KCNIP1: variants seen among roughly 807,000 people sequenced by gnomAD.
KCNIP1 encodes the protein A-type potassium channel modulatory protein KCNIP1.
In KCNIP1, 18 loss-of-function variants were observed where a neutral mutation model predicts 33.0. The observed-to-expected ratio is 0.55, with a 90% CI of 0.38 to 0.81. KCNIP1 has a LOEUF of 0.81. Among genes scored for constraint, KCNIP1 ranks in the 30% least tolerant of loss-of-function variants. The probability of loss-of-function intolerance (pLI) is 0.00; values close to 1 mark genes in which losing one functional copy is unlikely to be tolerated. For synonymous variants in KCNIP1, 93 were observed against 98.3 expected (o/e 0.95, Z 0.32); for missense variants, 238 against 271.6 (o/e 0.88, Z 0.87).
chr5:170,411,095 T>C (rs555301820), intron 1 of KCNIP1, among the ~76,000 whole-genome samples: 1 of 152,378 alleles, frequency 6.6e-6, no homozygotes, highest in East Asian at 1.9e-4. Context: ...GAGCCAGCTC[T>C]ATGTTGCCCT....
intron 1 of KCNIP1, among the ~76,000 whole-genome samples, chr5:170,542,069 C>A (rs1309176163): frequency 6.6e-6 from 1 of 152,188 alleles, no homozygotes; most frequent in Non-Finnish European, 1.5e-5. Context: ...TGCACCCGGG[C>A]TCCTAGCCAT....
chr5:170,629,575 G>A (rs943238379), intron 1 of KCNIP1, among the ~76,000 whole-genome samples: 3 of 152,186 alleles, frequency 2.0e-5, no homozygotes, highest in Admixed American at 6.5e-5. Flanking sequence ...CTTTCTCCAG[G>A]TGCTCAGTTA....
rs112810924 is a variant in KCNIP1, at chr5:170,684,691, C to T, written c.62-34067C>T. On this transcript the variant is annotated intron_variant, in intron 1 of 7. Transcript: ENST00000328939. ...CTTGACCTCCCACCAGCGGGAGTTT[C>T]CCTCCTTCATCCCTGGTCACTGGCC... Among the ~76,000 whole-genome samples the T allele has an allele frequency of 3.6e-3, 542 of 152,230 alleles. 2 individuals carry two copies. Among genetic ancestry groups the T allele is most frequent in the African/African-American group, 0.012 (497 of 41,528 alleles).
exon 1 of KCNIP1, chr5:170,353,870 C>T (rs747836227): frequency 1.4e-5 from 23 of 1,613,636 alleles, no homozygotes; most frequent in Middle Eastern, 1.7e-4. Flanking sequence ...GGCTCCCCTC[C>T]GCCACCATGA....
intron 1 of KCNIP1, among the ~76,000 whole-genome samples, chr5:170,491,426 C>T (rs907333702): frequency 6.6e-6 from 1 of 152,314 alleles, no homozygotes; most frequent in Non-Finnish European, 1.5e-5. Flanking sequence ...AGGCCTCAGG[C>T]TACTCTCCCC....
At chr5:170,646,538 A>G (rs1760796223) in intron 1 of KCNIP1, among the ~76,000 whole-genome samples, 1 of 152,174 alleles carries the variant, frequency 6.6e-6, no homozygotes, top group Non-Finnish European at 1.5e-5. Flanking sequence ...ACAAAATCTA[A>G]CCCCCAGTTG....
intron 1 of KCNIP1, among the ~76,000 whole-genome samples, chr5:170,644,602 G>A (rs780300717): frequency 4.6e-5 from 7 of 152,200 alleles, no homozygotes; most frequent in Non-Finnish European, 1.0e-4. Context: ...AACAGTGTCT[G>A]GGGACAAGGG....
rs558238611 is a variant in KCNIP1 at position 170,681,442 on chromosome 5, A to C, written c.62-37316A>C. 19 of 287,520 alleles carry C rather than the reference A, an allele frequency of 6.6e-5. 1 individual carries two copies. In the South Asian group the frequency reaches 3.0e-3, roughly 46 times the overall value. The allele number at this position is 287,520 out of a possible 1,614,324, so 17.8% of individuals were successfully genotyped here. A position where few individuals can be genotyped will look rare whatever the true frequency, so the allele number is the denominator to read the frequency against. ...CCTGCTCCGGCCCTATGAGCATGTGAGTCTTGATGGATTATTAGCTATGGG... is the reference window on the plus strand; with the variant it reads ...CCTGCTCCGGCCCTATGAGCATGTGCGTCTTGATGGATTATTAGCTATGGG... On this transcript the variant is annotated intron_variant, in intron 1 of 7. Transcript: ENST00000328939.
chr5:170,398,838 C>G (rs1754824963), intron 1 of KCNIP1, among the ~76,000 whole-genome samples: 1 of 152,114 alleles, frequency 6.6e-6, no homozygotes, highest in African/African-American at 2.4e-5. Flanking sequence ...CTTTGCTGAG[C>G]CATAGAATGT....
chr5:170,521,678 G>T (rs902279797), intron 1 of KCNIP1, among the ~76,000 whole-genome samples: 1 of 152,152 alleles, frequency 6.6e-6, no homozygotes, highest in Non-Finnish European at 1.5e-5. Flanking sequence ...CACAAGAGAT[G>T]GTGTTTGAAT....
intron 3 of KCNIP1, among the ~76,000 whole-genome samples, chr5:170,720,802 T>G (rs1763794507): frequency 6.6e-6 from 1 of 152,256 alleles, no homozygotes; most frequent in Non-Finnish European, 1.5e-5. Context: ...GCAGGGCACT[T>G]TTGAATCTTT....
chr5:170,699,577 A>AT (rs1305563754), intron 1 of KCNIP1, among the ~76,000 whole-genome samples: 1 of 151,648 alleles, frequency 6.6e-6, no homozygotes, highest in Non-Finnish European at 1.5e-5. Flanking sequence ...AAAAAAAAAA[A>AT]AGTTTTACAG....
chr5:170,472,532 A>G (rs1052697128), intron 1 of KCNIP1, among the ~76,000 whole-genome samples: 3 of 152,124 alleles, frequency 2.0e-5, no homozygotes, highest in African/African-American at 7.2e-5. Flanking sequence ...CCCATCACCC[A>G]AGCAGTATAC....
chr5:170,603,394 C>T (rs1004262107), intron 1 of KCNIP1, among the ~76,000 whole-genome samples: 6 of 152,170 alleles, frequency 3.9e-5, no homozygotes, highest in African/African-American at 9.7e-5. Flanking sequence ...TCAGACTCAG[C>T]GATCGTTTTC....
chr5:170,574,833 C>T (rs1757540838), intron 1 of KCNIP1, among the ~76,000 whole-genome samples: 2 of 152,112 alleles, frequency 1.3e-5, no homozygotes, highest in South Asian at 4.1e-4. Flanking sequence ...AGCTCTGGGA[C>T]GTGGGAGGAA....
chr5:170,520,034 A>C (rs1290440049), intron 1 of KCNIP1, among the ~76,000 whole-genome samples: 1 of 152,172 alleles, frequency 6.6e-6, no homozygotes, highest in Non-Finnish European at 1.5e-5. Context: ...GCAGTCCCCA[A>C]GCTTCTAGTA....
intron 1 of KCNIP1, among the ~76,000 whole-genome samples, chr5:170,692,705 C>T (rs1429565326): frequency 2.0e-5 from 3 of 152,110 alleles, no homozygotes; most frequent in Non-Finnish European, 4.4e-5. Flanking sequence ...CTTAGTATGT[C>T]TTTACATAGT....
At chr5:170,718,229 G>A (rs1246219738) in intron 1 of KCNIP1, among the ~76,000 whole-genome samples, 1 of 152,040 alleles carries the variant, frequency 6.6e-6, no homozygotes, top group Non-Finnish European at 1.5e-5. Context: ...AAAACAATAC[G>A]CTGTAAATAC....
intron 1 of KCNIP1, among the ~76,000 whole-genome samples, chr5:170,648,866 A>G (rs369866845): frequency 5.8e-4 from 88 of 152,308 alleles, no homozygotes; most frequent in African/African-American, 2.0e-3. Context: ...AGTAGGGAGT[A>G]TATGGGAACT....
Sources: gnomAD v4.1 joint callset for allele counts (sites outside exome capture counted in the v4.1 genomes callset) on GRCh38, gnomAD v4.1.1 for gene constraint, MANE v1.5 for transcripts, NCBI Gene and HGNC (gene_info 2026-07-23, HGNC 2026-07-21) for gene names.